CDC123: variants seen among roughly 807,000 people sequenced by gnomAD.
CDC123 encodes the protein cell division cycle 123, also known as translation initiation factor eIF2 assembly protein.
Under a neutral mutation model 54.4 loss-of-function variants are expected in CDC123, and 37 were observed. The ratio of observed to expected loss-of-function variants is 0.68; its 90% CI spans 0.52 to 0.89. The LOEUF is 0.89. Ranked by LOEUF, CDC123 falls within the 40% of genes least tolerant of loss-of-function variation. CDC123 has a pLI of 0.00. For synonymous variants in CDC123, 144 were observed against 136.8 expected (o/e 1.05, Z -0.37); for missense variants, 361 against 412.1 (o/e 0.88, Z 1.07).
chr10:12,238,625 C>CAA, intron 10 of CDC123, 140 bp downstream of exon 10: 1 of 1,011,194 alleles, frequency 9.9e-7, no homozygotes, highest in Non-Finnish European at 1.4e-6. Context: ...CCTGTATTCC[C>CAA]AGCACTTTGG....
At chr10:12,249,527 A>C in intron 11 of CDC123, 54 bp from the exon 12 acceptor site, 85 of 1,497,650 alleles carry the variant, frequency 5.7e-5, no homozygotes, top group Non-Finnish European at 7.0e-5. Flanking sequence ...AGTTCACAGA[A>C]TAGGCCTAAA....
intron 1 of CDC123, among the ~76,000 whole-genome samples, chr10:12,197,966 T>C (rs985422905): frequency 6.6e-6 from 1 of 152,286 alleles, no homozygotes; most frequent in South Asian, 2.1e-4. Context: ...CTGTAATCTT[T>C]TCCACTTTTT....
intron 2 of CDC123, among the ~76,000 whole-genome samples, chr10:12,201,388 G>C (rs1835437227): frequency 6.6e-6 from 1 of 152,204 alleles, no homozygotes; most frequent in Admixed American, 6.5e-5. Flanking sequence ...ATTGCTGGGA[G>C]AGCTGAGGAT....
intron 5 of CDC123, among the ~76,000 whole-genome samples, chr10:12,217,081 C>T (rs1442429620): frequency 6.6e-6 from 1 of 152,186 alleles, no homozygotes; most frequent in Non-Finnish European, 1.5e-5. Flanking sequence ...TCATTTTCTT[C>T]TCTTCTATTA....
intron 10 of CDC123, 114 bp downstream of exon 10, chr10:12,238,599 G>A: frequency 7.7e-7 from 1 of 1,292,360 alleles, no homozygotes; most frequent in Admixed American, 2.5e-5. Context: ...ATTTTGTCTG[G>A]GTGCAGCAGC....
chr10:12,222,488 T>C (rs1835750590), intron 6 of CDC123, among the ~76,000 whole-genome samples: 2 of 152,166 alleles, frequency 1.3e-5, no homozygotes, highest in African/African-American at 4.8e-5. Context: ...GAAAGAAATA[T>C]GACACACATA....
chr10:12,228,688 A>G lies in CDC123; in HGVS notation c.441-2260A>G, dbSNP rs570754723. Among the ~76,000 whole-genome samples, 11 of 152,208 alleles carry G rather than the reference A, an allele frequency of 7.2e-5. No homozygotes were observed. In the East Asian group the frequency reaches 1.9e-3, roughly 27 times the overall value. On this transcript the variant is annotated intron_variant, in intron 6 of 12. Coordinates refer to ENST00000281141, the MANE Select transcript of CDC123 (RefSeq NM_006023.3). ...CAGGTTCAAGCGATTCTCCTGCCTC[A>G]GCCTCCCATGTAGCTGGGATTACAG...
intron 2 of CDC123, among the ~76,000 whole-genome samples, chr10:12,207,288 A>C (rs922017788): frequency 1.3e-5 from 2 of 152,028 alleles, no homozygotes; most frequent in Non-Finnish European, 2.9e-5. Context: ...TAAAATTTCA[A>C]CTATCATGTT....
At chr10:12,240,329 A>G (rs967708790) in intron 10 of CDC123, among the ~76,000 whole-genome samples, 1 of 152,150 alleles carries the variant, frequency 6.6e-6, no homozygotes, top group African/African-American at 2.4e-5. Flanking sequence ...TTCCCGTGTC[A>G]CCTACACACA....
intron 8 of CDC123, among the ~76,000 whole-genome samples, chr10:12,236,755 G>A (rs1254639052): frequency 6.6e-6 from 1 of 152,132 alleles, no homozygotes; most frequent in Non-Finnish European, 1.5e-5. Context: ...TTTGCTGGGT[G>A]TGGTGGCAGG....
intron 2 of CDC123, among the ~76,000 whole-genome samples, chr10:12,203,858 G>C (rs78803338): frequency 3.3e-5 from 5 of 152,054 alleles, no homozygotes; most frequent in Admixed American, 3.3e-4. Context: ...TTTAGGAGGC[G>C]GAGGTAAGAG....
At chr10:12,200,865 G>A (rs1286687112) in intron 2 of CDC123, among the ~76,000 whole-genome samples, 4 of 152,136 alleles carry the variant, frequency 2.6e-5, no homozygotes, top group Non-Finnish European at 5.9e-5. Context: ...CGCAGGAGGT[G>A]GAGGTTGCAG....
intron 2 of CDC123, among the ~76,000 whole-genome samples, chr10:12,199,816 A>G (rs11257593): frequency 0.47 from 71,051 of 151,738 alleles, 17,759 homozygotes; most frequent in Middle Eastern, 0.6. Context: ...TACAGATATA[A>G]TTTTTTTTGT....
At chr10:12,244,513 C>T (rs1836102623) in intron 10 of CDC123, among the ~76,000 whole-genome samples, 1 of 152,192 alleles carries the variant, frequency 6.6e-6, no homozygotes, top group Non-Finnish European at 1.5e-5. Flanking sequence ...CCCAGCCCTA[C>T]CTCAGCACAG....
chr10:12,231,104 G>T, intron 7 of CDC123, 108 bp downstream of exon 7: 1 of 981,758 alleles, frequency 1.0e-6, no homozygotes. Context: ...AATTTCTTCG[G>T]GAACCTAAAG....
intron 4 of CDC123, among the ~76,000 whole-genome samples, chr10:12,215,262 A>G (rs1171061451): frequency 1.3e-5 from 2 of 152,172 alleles, no homozygotes; most frequent in African/African-American, 2.4e-5. Context: ...TTGCCACATC[A>G]TTTATTTTTC....
chr10:12,215,211 G>A (rs1268525568), intron 4 of CDC123, among the ~76,000 whole-genome samples: 1 of 152,170 alleles, frequency 6.6e-6, no homozygotes, highest in Non-Finnish European at 1.5e-5. Context: ...AGTTTTGCTT[G>A]TTTTAAAACT....
At chr10:12,222,695 A>T (rs1835753031) in intron 6 of CDC123, among the ~76,000 whole-genome samples, 1 of 152,232 alleles carries the variant, frequency 6.6e-6, no homozygotes, top group African/African-American at 2.4e-5. Flanking sequence ...TGAGGGGCTC[A>T]TGATGAAGGA....
intron 6 of CDC123, among the ~76,000 whole-genome samples, chr10:12,222,327 A>T (rs976809097): frequency 6.6e-6 from 1 of 152,214 alleles, no homozygotes; most frequent in Non-Finnish European, 1.5e-5. Flanking sequence ...GGAGGTTGAC[A>T]TATGACATGT....
Sources: gnomAD v4.1 joint callset for allele counts (sites outside exome capture counted in the v4.1 genomes callset) on GRCh38, gnomAD v4.1.1 for gene constraint, MANE v1.5 for transcripts, NCBI Gene and HGNC (gene_info 2026-07-23, HGNC 2026-07-21) for gene names.